Variants in CFAP221 observed in about 807,000 individuals in gnomAD.
CFAP221 encodes cilia and flagella associated protein 221, also known as cilia- and flagella-associated protein 221.
CFAP221 carries 97 observed loss-of-function variants against 113.1 expected under a neutral mutation model. The observed-to-expected ratio is 0.86, with a 90% CI of 0.73 to 1.02. The LOEUF is 1.02. Among genes scored for constraint, CFAP221 ranks in the 50% least tolerant of loss-of-function variants. The pLI is 0.00. For synonymous variants in CFAP221, 331 were observed against 354.4 expected (o/e 0.93, Z 0.74); for missense variants, 1,025 against 1,013.4 (o/e 1.01, Z -0.16).
rs183534331 is a variant in CFAP221, at chr2:119,621,015, G to A, written c.1411-4568G>A. Among the ~76,000 whole-genome samples, 755 of 151,804 alleles carry A rather than the reference G, an allele frequency of 5.0e-3. 3 individuals are homozygous for A. The highest frequency in any genetic ancestry group is 0.017 in the African/African-American group (721 of 41,346). On this transcript the variant is annotated intron_variant, in intron 14 of 23. Coordinates refer to ENST00000413369, the MANE Select transcript of CFAP221 (RefSeq NM_001271049.2). The stretch of plus-strand genomic sequence containing the variant: ...CAAGGCAGGCGGATCACCTCAGGTC[G>A]GGAGTTCGAGACCAGTCTGACCAAC...
At chr2:119,648,890 A>G (rs1219846606) in intron 22 of CFAP221, among the ~76,000 whole-genome samples, 2 of 152,226 alleles carry the variant, frequency 1.3e-5, no homozygotes, top group Non-Finnish European at 2.9e-5. Flanking sequence ...GGCGTGAAGT[A>G]CTGGCATGAA....
At chr2:119,613,018 A>C (rs1685285068) in intron 13 of CFAP221, among the ~76,000 whole-genome samples, 1 of 152,234 alleles carries the variant, frequency 6.6e-6, no homozygotes, top group African/African-American at 2.4e-5. Context: ...GGCCAAAACA[A>C]AGGGGCTACA....
chr2:119,619,112 A>G (rs1036581708), intron 14 of CFAP221, among the ~76,000 whole-genome samples: 1 of 152,174 alleles, frequency 6.6e-6, no homozygotes, highest in Non-Finnish European at 1.5e-5. Context: ...TAAGACTCCC[A>G]TCTCCCTGGG....
At chr2:119,636,648 A>G (rs1687131240) in intron 19 of CFAP221, among the ~76,000 whole-genome samples, 1 of 152,236 alleles carries the variant, frequency 6.6e-6, no homozygotes, top group Admixed American at 6.5e-5. Context: ...AGAGTCACAA[A>G]AGCCAGAAAC....
At position 119,601,262 on chromosome 2, in the gene CFAP221, A is replaced by G. The variant is rs1684345212; in HGVS notation, c.676A>G (p.Thr226Ala). ...NGKMTVTIKF[T>A]PFQYGTAQIK... ...GAAGATGACTGTGACTATTAAGTTT[A>G]CACCCTTTCAGTATGGGACTGCACA... The change falls in exon 8 of 24, where the codon ACA (threonine) becomes GCA (alanine). Residue 226 changes from threonine to alanine, a missense_variant. By Grantham distance (58) the Thr-to-Ala change is moderately conservative (BLOSUM62 0). Transcript: ENST00000413369. The G allele has an allele frequency of 6.5e-6, 10 of 1,534,884 alleles. No individual in the cohort carries two copies. The highest frequency in any genetic ancestry group is 8.7e-6 in the Non-Finnish European group (10 of 1,146,128).
chr2:119,626,939 A>C (rs931441489), intron 15 of CFAP221, among the ~76,000 whole-genome samples: 1 of 151,586 alleles, frequency 6.6e-6, no homozygotes, highest in Non-Finnish European at 1.5e-5. Flanking sequence ...CTGAAAAAAA[A>C]AAAAAGAAAG....
At chr2:119,630,041 T>A in intron 17 of CFAP221, 86 bp downstream of exon 17, 1 of 1,236,752 alleles carries the variant, frequency 8.1e-7, no homozygotes, top group Middle Eastern at 2.0e-4. Context: ...TGTTTTATAG[T>A]TTTGCTTTAT....
intron 3 of CFAP221, among the ~76,000 whole-genome samples, chr2:119,553,217 A>G (rs1404580109): frequency 6.6e-6 from 1 of 152,166 alleles, no homozygotes; most frequent in Non-Finnish European, 1.5e-5. Flanking sequence ...AGGAGAGGCC[A>G]TTGGGGGTAG....
chr2:119,562,207 G>GGATGAAC, intron 6 of CFAP221, 93 bp downstream of exon 6: 1 of 593,960 alleles, frequency 1.7e-6, no homozygotes, highest in Non-Finnish European at 2.5e-6. Context: ...CCTAATGGAA[G>GGATGAAC]TTCATCCTTC....
chr2:119,608,075 G>C (rs188323066), intron 11 of CFAP221, among the ~76,000 whole-genome samples: 1 of 152,174 alleles, frequency 6.6e-6, no homozygotes, highest in African/African-American at 2.4e-5. Flanking sequence ...ACTTTTTGTG[G>C]TGCCACCAAA....
At chr2:119,566,121 A>C (rs1226940606) in intron 6 of CFAP221, among the ~76,000 whole-genome samples, 1 of 152,088 alleles carries the variant, frequency 6.6e-6, no homozygotes, top group African/African-American at 2.4e-5. Context: ...TAGGATGAGG[A>C]GCTCAGGCAC....
intron 3 of CFAP221, among the ~76,000 whole-genome samples, chr2:119,553,367 A>G (rs1680563258): frequency 6.6e-6 from 1 of 152,186 alleles, no homozygotes; most frequent in East Asian, 1.9e-4. Context: ...GTAATGGAGA[A>G]GGTGAGACAT....
intron 6 of CFAP221, among the ~76,000 whole-genome samples, chr2:119,571,133 C>CTTTTT (rs34017847): frequency 1.5e-3 from 140 of 93,100 alleles, no homozygotes; most frequent in Non-Finnish European, 1.8e-3. Context: ...TAACAACCCC[C>CTTTTT]TTTTTTTTTT....
chr2:119,566,129 C>T (rs1298240676), intron 6 of CFAP221, among the ~76,000 whole-genome samples: 3 of 152,118 alleles, frequency 2.0e-5, no homozygotes, highest in Non-Finnish European at 4.4e-5. Flanking sequence ...GGAGCTCAGG[C>T]ACCACTTCCA....
chr2:119,656,209 T>C (rs1688423392), intron 23 of CFAP221, 153 bp from the exon 24 acceptor site: 1 of 610,144 alleles, frequency 1.6e-6, no homozygotes, highest in Admixed American at 2.7e-5. Flanking sequence ...GTGTTTTCAC[T>C]GGTAAGTAAA....
chr2:119,606,192 G>A (rs542901886), intron 11 of CFAP221, among the ~76,000 whole-genome samples: 20 of 151,282 alleles, frequency 1.3e-4, no homozygotes, highest in Non-Finnish European at 2.8e-4. Context: ...TTTAGAGATG[G>A]GGTCTCACTA....
intron 2 of CFAP221, among the ~76,000 whole-genome samples, chr2:119,547,516 G>A (rs1342643346): frequency 2.6e-5 from 4 of 152,126 alleles, no homozygotes; most frequent in Non-Finnish European, 4.4e-5. Flanking sequence ...CCAAGATGGC[G>A]CCACTGCACT....
intron 3 of CFAP221, among the ~76,000 whole-genome samples, chr2:119,553,104 C>T (rs1680541920): frequency 6.6e-6 from 1 of 152,180 alleles, no homozygotes. Flanking sequence ...ATAACTCAGA[C>T]ATGAGACCAG....
At chr2:119,597,840 C>T (rs1320021791) in intron 7 of CFAP221, among the ~76,000 whole-genome samples, 3 of 152,148 alleles carry the variant, frequency 2.0e-5, no homozygotes, top group African/African-American at 7.2e-5. Flanking sequence ...ACTTAGACTC[C>T]TATGCTTTGG....
Sources: gnomAD v4.1 joint callset for allele counts (sites outside exome capture counted in the v4.1 genomes callset) on GRCh38, gnomAD v4.1.1 for gene constraint, MANE v1.5 for transcripts, NCBI Gene and HGNC (gene_info 2026-07-23, HGNC 2026-07-21) for gene names.